The following DAB2IP variants were observed in gnomAD, a reference collection of about 807,000 sequenced individuals.
The protein encoded by DAB2IP is DAB2 interacting protein.
Under a neutral mutation model 107.2 loss-of-function variants are expected in DAB2IP, and 28 were observed. The ratio of observed to expected loss-of-function variants is 0.26; its 90% CI spans 0.19 to 0.36. The LOEUF is 0.36. Ranked by LOEUF, DAB2IP falls within the 10% of genes least tolerant of loss-of-function variation. The pLI is 1.00. For missense variants in DAB2IP, 1,400 were observed against 1,644.7 expected (o/e 0.85, Z 2.57); for synonymous variants, 755 against 706.4 (o/e 1.07, Z -1.09).
rs1020519612 is a variant in DAB2IP at position 121,702,669 on chromosome 9, G to A, written c.362+3211G>A. Among the ~76,000 whole-genome samples, 7 of 152,100 alleles carry A rather than the reference G, an allele frequency of 4.6e-5. No homozygotes were observed. The highest frequency in any genetic ancestry group is 1.7e-4 in the African/African-American group (7 of 41,398). On this transcript the variant is annotated intron_variant, in intron 3 of 15. Transcript: ENST00000408936. The surrounding 1 kb of genome is among the most constrained non-coding windows in gnomAD (Gnocchi z 4.5). ...GAAATGCTGCTGCTTCATTTACAGG[G>A]CTGTTTTAATGTTGGTAAAAGTGAT...
intron 14 of DAB2IP, among the ~76,000 whole-genome samples, chr9:121,781,144 G>C: frequency 6.6e-6 from 1 of 152,186 alleles, no homozygotes; most frequent in Admixed American, 6.5e-5. Context: ...TAGCTCTAGG[G>C]GTTTGAAGAT....
rs182768759 is a variant in DAB2IP at position 121,589,684 on chromosome 9, G to A, written c.40+22456G>A. On this transcript the variant is annotated intron_variant, in intron 1 of 16. Coordinates refer to the DAB2IP transcript ENST00000259371. ...CAGCCCAGAGCCTGGCACAAAAGGAGCCGAATGACATTGACTTAGGCACGT... is the reference window on the plus strand; with the variant it reads ...CAGCCCAGAGCCTGGCACAAAAGGAACCGAATGACATTGACTTAGGCACGT... Among the ~76,000 whole-genome samples, 297 of 152,246 alleles carry A rather than the reference G, an allele frequency of 2.0e-3. 2 individuals are homozygous for A. Among genetic ancestry groups the A allele is most frequent in the Non-Finnish European group, 2.7e-3 (183 of 68,002 alleles).
chr9:121,625,412 T>A (rs1395363258), intron 1 of DAB2IP, among the ~76,000 whole-genome samples: 2 of 152,038 alleles, frequency 1.3e-5, no homozygotes, highest in African/African-American at 4.8e-5. Context: ...TGAACTCTTT[T>A]TTTTTTTAAA....
rs533035252 is a variant in DAB2IP, at chr9:121,658,667, TAAC to T, written c.124+6769_124+6771del. The stretch of plus-strand genomic sequence containing the variant: ...ATCTCAATAGCCCTCCAAATAATAA[TAAC>T]GAGAAAAAAAAGTAGACTCGATACT... On this transcript the variant is annotated intron_variant, in intron 1 of 15. Transcript: ENST00000408936. Among the ~76,000 whole-genome samples the T allele has an allele frequency of 3.4e-4, 51 of 152,072 alleles. No homozygotes were observed. In the South Asian group the frequency reaches 0.01, roughly 31 times the overall value.
At chr9:121,727,175 C>T (rs376839087) in intron 3 of DAB2IP, among the ~76,000 whole-genome samples, 18 of 152,326 alleles carry the variant, frequency 1.2e-4, no homozygotes, top group Middle Eastern at 3.4e-3. Context: ...CCCTCACCTC[C>T]ATTCCCCATC....
intron 6 of DAB2IP, among the ~76,000 whole-genome samples, chr9:121,762,585 G>A (rs1181402964): frequency 1.3e-5 from 2 of 152,186 alleles, no homozygotes; most frequent in East Asian, 3.9e-4. Flanking sequence ...CCCCAAGGTC[G>A]TGCATGTCGG....
At chr9:121,743,950 C>G (rs532416739) in intron 3 of DAB2IP, among the ~76,000 whole-genome samples, 33 of 152,330 alleles carry the variant, frequency 2.2e-4, no homozygotes, top group African/African-American at 7.9e-4. Flanking sequence ...AAGCGGGACA[C>G]CAAGAAGAGC....
intron 1 of DAB2IP, among the ~76,000 whole-genome samples, chr9:121,670,037 C>G (rs554968819): frequency 5.9e-5 from 9 of 152,184 alleles, no homozygotes; most frequent in Non-Finnish European, 1.3e-4. Context: ...ACGAAGATGT[C>G]GCTTGTGCTC....
At position 121,684,668 on chromosome 9, in the gene DAB2IP, G is replaced by A. The variant is rs1198138669; in HGVS notation, c.228+5887G>A. Among the ~76,000 whole-genome samples the A allele has an allele frequency of 1.3e-5, 2 of 152,226 alleles. No individual in the cohort carries two copies. The highest frequency in any genetic ancestry group is 2.9e-5 in the Non-Finnish European group (2 of 68,036). ...GGGGGCATTCTCTGCTCCCTGCAGA[G>A]CCGGCCCCGCTGCCCCCCATTTGTG... On this transcript the variant is annotated intron_variant, in intron 2 of 15. Transcript: ENST00000408936. This position sits in a 1 kb window ranked among gnomAD's most constrained non-coding sequence, Gnocchi z 4.0.
chr9:121,715,577 TCTC>T (rs1830558133), intron 3 of DAB2IP, among the ~76,000 whole-genome samples: 1 of 152,130 alleles, frequency 6.6e-6, no homozygotes, highest in East Asian at 1.9e-4. Flanking sequence ...ATGGTGTCGA[TCTC>T]CTGACCTCGT....
At chr9:121,774,034 G>A (rs1053515846) in intron 12 of DAB2IP, among the ~76,000 whole-genome samples, 6 of 152,222 alleles carry the variant, frequency 3.9e-5, no homozygotes, top group African/African-American at 1.4e-4. Context: ...GCAGCAGAGT[G>A]TGGTGCTCAG....
At chr9:121,590,810 G>C (rs1204316704) in intron 1 of DAB2IP, among the ~76,000 whole-genome samples, 1 of 152,184 alleles carries the variant, frequency 6.6e-6, no homozygotes, top group African/African-American at 2.4e-5. Context: ...GAGGGTAGGA[G>C]GGGATACAAC....
At position 121,782,338 on chromosome 9, in the gene DAB2IP, G is replaced by A. The variant is rs776265232; in HGVS notation, c.3410G>A (p.Arg1137His). The A allele has an allele frequency of 5.1e-5, 83 of 1,613,668 alleles. 1 individual carries two copies. Among genetic ancestry groups the A allele is most frequent in the East Asian group, 1.6e-4 (7 of 44,872 alleles). Reference sequence around the variant, plus strand: ...CATCCCCATTGTCCACAGGAGAAGCGCATTGCCTCGTTGGATGCCGCCAAT... The same window carrying A: ...CATCCCCATTGTCCACAGGAGAAGCACATTGCCTCGTTGGATGCCGCCAAT... Residue 1137 changes from arginine to histidine, a missense_variant, in exon 16 of 16, where the codon CGC becomes CAC. Physicochemically the swap from Arg to His is conservative, Grantham distance 29. Around this residue, in one of 3 missense-constraint regions of DAB2IP, gnomAD observed 600 missense variants for 659.1 expected, o/e 0.91. Coordinates refer to ENST00000408936, the Ensembl canonical transcript of DAB2IP. This position sits in a 1 kb window ranked among gnomAD's most constrained non-coding sequence, Gnocchi z 6.1.
At chr9:121,567,818 AG>A (rs765365933) in intron 1 of DAB2IP, among the ~76,000 whole-genome samples, 2 of 152,138 alleles carry the variant, frequency 1.3e-5, no homozygotes, top group Non-Finnish European at 2.9e-5. Context: ...AAGACTCGGA[AG>A]GGTTCCTTCG....
At chr9:121,737,294 T>C (rs1374526114) in intron 3 of DAB2IP, 1 of 985,454 alleles carries the variant, frequency 1.0e-6, no homozygotes, top group East Asian at 1.1e-4. Context: ...TTGTGCCATG[T>C]GGTTACCTGC....
chr9:121,569,986 G>T (rs568723277), intron 1 of DAB2IP, among the ~76,000 whole-genome samples: 133 of 152,198 alleles, frequency 8.7e-4, no homozygotes, highest in African/African-American at 3.1e-3. Flanking sequence ...GTGGAGATGG[G>T]GTCTTGCTGT....
At chr9:121,586,305 T>C (rs1009692104) in intron 1 of DAB2IP, among the ~76,000 whole-genome samples, 4 of 152,220 alleles carry the variant, frequency 2.6e-5, no homozygotes, top group African/African-American at 9.6e-5. Context: ...TTGAGACAAA[T>C]AACTGTGCGA....
chr9:121,729,399 G>T (rs1831399326), intron 3 of DAB2IP, among the ~76,000 whole-genome samples: 1 of 152,206 alleles, frequency 6.6e-6, no homozygotes, highest in Non-Finnish European at 1.5e-5. Context: ...TTGGGGCTGG[G>T]CAGGAGGTGA....
chr9:121,639,425 T>C (rs569709825), intron 1 of DAB2IP, among the ~76,000 whole-genome samples: 22 of 152,316 alleles, frequency 1.4e-4, no homozygotes, highest in African/African-American at 4.1e-4. Context: ...TGTAAGGGGA[T>C]ACCATGCCTA....
Sources: allele counts gnomAD v4.1 joint callset (sites outside exome capture counted in the v4.1 genomes callset), GRCh38; gene constraint gnomAD v4.1.1; regional missense constraint gnomAD v4.1.1; non-coding constraint Gnocchi (gnomAD v3.1); transcripts MANE v1.5; gene names NCBI Gene and HGNC (gene_info 2026-07-23, HGNC 2026-07-21).